The following UBR3 variants were observed in gnomAD, a reference collection of about 807,000 sequenced individuals.
The protein encoded by UBR3 is E3 ubiquitin-protein ligase UBR3.
UBR3 carries 85 observed loss-of-function variants against 243.2 expected under a neutral mutation model. The ratio of observed to expected loss-of-function variants is 0.35; its 90% CI spans 0.29 to 0.42. The LOEUF (loss-of-function observed/expected upper bound fraction) is 0.42, where lower values mean the gene tolerates loss of function less well. Among genes scored for constraint, UBR3 ranks in the 10% least tolerant of loss-of-function variants. The pLI is 1.00. For synonymous variants in UBR3, 748 were observed against 799.8 expected (o/e 0.94, Z 1.09); for missense variants, 1,686 against 2,300.8 (o/e 0.73, Z 5.47).
chr2:169,895,190 T>C lies in UBR3; in HGVS notation c.1115T>C (p.Ile372Thr), dbSNP rs1235063415. The C allele has an allele frequency of 1.3e-6, 2 of 1,524,334 alleles. No homozygotes were observed. The highest frequency in any genetic ancestry group is 1.8e-6 in the Non-Finnish European group (2 of 1,140,234). 94.4% of individuals were successfully genotyped at this position (1,524,334 alleles called of 1,614,324 possible). A position where few individuals can be genotyped will look rare whatever the true frequency, so the allele number is the denominator to read the frequency against. ...CATTTTTCATGTGCAGATCAATCCA[T>C]AATGGATGTTTTGAAGCATAAAAGC... Reference protein sequence around the residue: ...KLSSGTKDQSIMDVLKHKSFL... With the variant: ...KLSSGTKDQSTMDVLKHKSFL... The change falls in exon 7 of 39, where the codon ATA (isoleucine) becomes ACA (threonine). Residue 372 changes from isoleucine (I) to threonine (T), a missense_variant. Physicochemically the swap from Ile to Thr is moderately conservative, Grantham distance 89 (BLOSUM62 -1). Transcript: ENST00000272793.
intron 25 of UBR3, among the ~76,000 whole-genome samples, chr2:169,994,028 A>T (rs78461476): frequency 6.6e-6 from 1 of 152,178 alleles, no homozygotes; most frequent in East Asian, 1.9e-4. Flanking sequence ...TGAATACTGG[A>T]GAGTTATATC....
Position 169,838,387 on chromosome 2 carries a change from T to TGTGTG in UBR3, c.545+10335_545+10336insGTGTG, listed in dbSNP as rs2082179340. On this transcript the variant is annotated intron_variant, in intron 1 of 38. Coordinates refer to ENST00000272793, the MANE Select transcript of UBR3 (RefSeq NM_172070.4). ...GCTGGGAAGTCCAAGATTAAGGCAT[T>TGTGTG]TGTGTGTGTGTGTGTGTGTGTGTGT... 5.1e-4 allele frequency among the ~76,000 whole-genome samples: 58 copies of TGTGTG among 114,484 alleles called. 1 individual carries two copies. Among genetic ancestry groups the TGTGTG allele is most frequent in the African/African-American group, 1.8e-3 (55 of 30,722 alleles). 75.1% of individuals were successfully genotyped at this position (114,484 alleles called of 152,430 possible). A position where few individuals can be genotyped will look rare whatever the true frequency, so the allele number is the denominator to read the frequency against.
rs1320192602 is a variant in UBR3 at position 170,068,821 on chromosome 2, T to C, written c.5020-4607T>C. The stretch of plus-strand genomic sequence containing the variant: ...ACATCCATATTGAGCCATAAGAGAA[T>C]ATATAGATAACATTTGCCAACAAGT... On this transcript the variant is annotated intron_variant, in intron 35 of 38. Coordinates refer to ENST00000272793, the MANE Select transcript of UBR3 (RefSeq NM_172070.4). Among the ~76,000 whole-genome samples, 4 of 152,082 alleles carry C rather than the reference T, an allele frequency of 2.6e-5. No individual in the cohort carries two copies. The East Asian group carries it at 7.7e-4, about 29-fold the overall frequency.
rs575935245 is a variant in UBR3, at chr2:170,077,342, C to T, written c.5200-2472C>T. 3.4e-6 allele frequency: 3 copies of T among 876,006 alleles called. No individual in the cohort carries two copies. The East Asian group carries it at 7.3e-5, about 21-fold the overall frequency. 54.3% of individuals were successfully genotyped at this position (876,006 alleles called of 1,614,324 possible). A position where few individuals can be genotyped will look rare whatever the true frequency, so the allele number is the denominator to read the frequency against. On this transcript the variant is annotated intron_variant, in intron 36 of 38. Coordinates refer to ENST00000272793, the MANE Select transcript of UBR3 (RefSeq NM_172070.4). ...CACAAGGCCCAACTCACATTCACCT[C>T]AGTAACAGTACCTTTGGTAATAACA...
intron 6 of UBR3, among the ~76,000 whole-genome samples, chr2:169,893,095 A>T (rs2084436560): frequency 6.6e-6 from 1 of 152,244 alleles, no homozygotes; most frequent in African/African-American, 2.4e-5. Context: ...ACATTTTCAT[A>T]ATATTACACA....
At chr2:170,023,183 C>T (rs10187381) in intron 30 of UBR3, among the ~76,000 whole-genome samples, 27,443 of 151,596 alleles carry the variant, frequency 0.18, 2,733 homozygotes, top group East Asian at 0.35. Flanking sequence ...TTGTTACCCA[C>T]GCTGGCCTCA....
At position 169,949,693 on chromosome 2, in the gene UBR3, A is replaced by G; in HGVS notation, c.3173A>G (p.Asn1058Ser). The change falls in exon 23 of 39, where the codon AAT becomes AGT. Residue 1058 changes from asparagine to serine, a missense_variant. Transcript: ENST00000272793. ...ATCAATCGCAGTAGCAGTGAAGCAA[A>G]TCAGGTGGTTCGTCCCAAAACTTCA... The part of the protein sequence containing the change: ...EIINRSSSEA[N>S]QVVRPKTSSK... The G allele has an allele frequency of 4.5e-6, 7 of 1,551,606 alleles. No individual in the cohort carries two copies. Among genetic ancestry groups the G allele is most frequent in the East Asian group, 2.4e-5 (1 of 40,914 alleles).
At chr2:170,028,922 G>T (rs1455181873) in intron 30 of UBR3, among the ~76,000 whole-genome samples, 1 of 151,872 alleles carries the variant, frequency 6.6e-6, no homozygotes, top group Non-Finnish European at 1.5e-5. Flanking sequence ...GACATACTAG[G>T]CAAAGAAAGA....
intron 1 of UBR3, among the ~76,000 whole-genome samples, chr2:169,850,615 C>T (rs1048133640): frequency 3.3e-5 from 5 of 152,248 alleles, no homozygotes; most frequent in South Asian, 2.1e-4. Context: ...GAGGCCGAGG[C>T]GGGTGGATCA....
At chr2:169,846,894 A>T (rs1285834641) in intron 1 of UBR3, among the ~76,000 whole-genome samples, 2 of 152,082 alleles carry the variant, frequency 1.3e-5, no homozygotes, top group Admixed American at 6.6e-5. Flanking sequence ...TACCACACCC[A>T]GTGAAATTTT....
intron 11 of UBR3, among the ~76,000 whole-genome samples, chr2:169,923,495 G>C (rs1369514462): frequency 6.6e-6 from 1 of 151,672 alleles, no homozygotes; most frequent in Non-Finnish European, 1.5e-5. Flanking sequence ...GCTTAGCATG[G>C]TGACTGGCAC....
chr2:169,853,860 G>C (rs539903471), intron 1 of UBR3, among the ~76,000 whole-genome samples: 67 of 152,076 alleles, frequency 4.4e-4, no homozygotes, highest in African/African-American at 1.6e-3. Flanking sequence ...ATGTGGAAGT[G>C]AATGAGGGAG....
intron 14 of UBR3, 69 bp from the exon 15 acceptor site, chr2:169,926,623 G>T: frequency 1.4e-6 from 2 of 1,432,068 alleles, no homozygotes; most frequent in East Asian, 2.5e-5. Context: ...AAAAAGTATA[G>T]AAAAACATGA....
rs1362653077 is a variant in UBR3, at chr2:169,827,509, T to TGGC, written c.12_14dup (p.Ala8dup). The TGGC allele has an allele frequency of 3.3e-6, 4 of 1,228,922 alleles. No homozygotes were observed. The highest frequency in any genetic ancestry group is 3.2e-5 in the East Asian group (1 of 31,248). The allele number at this position is 1,228,922 out of a possible 1,614,324, so 76.1% of individuals were successfully genotyped here. A position where few individuals can be genotyped will look rare whatever the true frequency, so the allele number is the denominator to read the frequency against. On this transcript the variant is annotated inframe_insertion, in exon 1 of 39. Coordinates refer to ENST00000272793, the MANE Select transcript of UBR3 (RefSeq NM_172070.4). ...CTCTCCAAATTCTGAGCTCTCATCA[T>TGGC]GGCGGCGGCGGCCGCGGCGGCCGTC...
At chr2:169,914,199 A>G in intron 11 of UBR3, 53 bp downstream of exon 11, 1 of 983,046 alleles carries the variant, frequency 1.0e-6, no homozygotes, top group Non-Finnish European at 1.4e-6. Context: ...AAGACATTTA[A>G]GAAAAGTGTT....
chr2:169,927,586 T>C (rs2085956572), intron 17 of UBR3, among the ~76,000 whole-genome samples, 181 bp downstream of exon 17: 1 of 152,144 alleles, frequency 6.6e-6, no homozygotes, highest in African/African-American at 2.4e-5. Context: ...TTTTTTTTTT[T>C]TTTTAACCTC....
At chr2:169,839,517 AGAAG>A (rs2082219706) in intron 1 of UBR3, among the ~76,000 whole-genome samples, 3 of 50,482 alleles carry the variant, frequency 5.9e-5, no homozygotes, top group Non-Finnish European at 1.6e-4. Context: ...TAGCTAGAAG[AGAAG>A]AATTTGAATG....
Position 169,914,095 on chromosome 2 carries a change from T to C in UBR3, c.1815T>C (p.Tyr605=). ...TQEYTRNVVR[Y]CLEALQDWFD... ...AGTATACCCGAAATGTTGTTAGATA[T>C]TGCCTTGAAGCTCTTCAAGACTGGT... is the stretch of plus-strand genomic sequence containing the variant. Residue 605 remains tyrosine (Y), a synonymous_variant, in exon 11 of 39, where the codon TAT becomes TAC. Coordinates refer to ENST00000272793, the MANE Select transcript of UBR3 (RefSeq NM_172070.4). 1.3e-6 allele frequency: 2 copies of C among 1,512,952 alleles called. No homozygotes were observed. Among genetic ancestry groups the C allele is most frequent in the South Asian group, 2.6e-5 (2 of 76,226 alleles). The allele number at this position is 1,512,952 out of a possible 1,614,324, so 93.7% of individuals were successfully genotyped here.
chr2:169,980,775 T>TC lies in UBR3; in HGVS notation c.3635-5864dup, dbSNP rs1316572867. Among the ~76,000 whole-genome samples the TC allele has an allele frequency of 1.6e-4, 4 of 25,298 alleles. No homozygotes were observed. The South Asian group carries it at 4.9e-3, about 31-fold the overall frequency. 16.6% of individuals were successfully genotyped at this position (25,298 alleles called of 152,430 possible). Reference sequence around the variant, plus strand: ...AATGCTATCCCTCCCCCCTCCCCCCTCCCCCCGATCTTGGTTTCTAATACA... The same window carrying TC: ...AATGCTATCCCTCCCCCCTCCCCCCTCCCCCCCGATCTTGGTTTCTAATACA... On this transcript the variant is annotated intron_variant, in intron 24 of 38. Transcript: ENST00000272793.
Sources: gnomAD v4.1 joint callset for allele counts (sites outside exome capture counted in the v4.1 genomes callset) on GRCh38, gnomAD v4.1.1 for gene constraint, MANE v1.5 for transcripts, NCBI Gene and HGNC (gene_info 2026-07-23, HGNC 2026-07-21) for gene names.